The following GPC5 variants were observed in gnomAD, a reference collection of about 807,000 sequenced individuals.
GPC5 encodes glypican-5.
A neutral mutation model predicts 53.9 loss-of-function variants in GPC5; 47 were observed. That is an observed-to-expected ratio of 0.87 (90% CI 0.69 to 1.11). GPC5 has a LOEUF of 1.11. Among genes scored for constraint, GPC5 ranks in the 50% most tolerant of loss-of-function variants. The pLI is 0.00. For synonymous variants in GPC5, 286 were observed against 263.3 expected, an observed-to-expected ratio of 1.09 and a Z score of -0.84; for missense variants, 748 against 713.1, an observed-to-expected ratio of 1.05 and a Z score of -0.56.
At chr13:91,646,891 G>C (rs2034570619) in intron 2 of GPC5, among the ~76,000 whole-genome samples, 1 of 152,066 alleles carries the variant, frequency 6.6e-6, no homozygotes, top group Non-Finnish European at 1.5e-5. Flanking sequence ...GAAGAATTAG[G>C]AAGCTTCTGT....
chr13:91,457,512 G>A (rs1225603037), intron 2 of GPC5, among the ~76,000 whole-genome samples: 1 of 152,010 alleles, frequency 6.6e-6, no homozygotes, highest in Non-Finnish European at 1.5e-5. Context: ...CCTTCTGCCT[G>A]TTGTCAGAAC....
chr13:92,365,124 GTGAACAGCATAGAGTATAC>G (rs2043597639), intron 7 of GPC5, among the ~76,000 whole-genome samples: 1 of 151,728 alleles, frequency 6.6e-6, no homozygotes, highest in Non-Finnish European at 1.5e-5. Context: ...TTGTCACTGT[GTGAACAGCATAGAGTATAC>G]TGACACAGAC....
At chr13:91,945,200 C>T (rs1594679327) in intron 6 of GPC5, among the ~76,000 whole-genome samples, 2 of 152,150 alleles carry the variant, frequency 1.3e-5, no homozygotes, top group South Asian at 2.1e-4. Flanking sequence ...GGATTCATTG[C>T]ATATTCTTTT....
chr13:91,611,034 C>T (rs2033531388), intron 2 of GPC5, among the ~76,000 whole-genome samples: 1 of 152,092 alleles, frequency 6.6e-6, no homozygotes, highest in Non-Finnish European at 1.5e-5. Flanking sequence ...TAGAAATTGC[C>T]AGGGAGTCTG....
At chr13:92,115,752 C>T (rs564612673) in intron 6 of GPC5, among the ~76,000 whole-genome samples, 48 of 152,254 alleles carry the variant, frequency 3.2e-4, no homozygotes, top group African/African-American at 5.3e-4. Flanking sequence ...TTTATCCATT[C>T]GCCAGTTTGA....
intron 7 of GPC5, among the ~76,000 whole-genome samples, chr13:92,757,377 C>T (rs1874930160): frequency 6.6e-6 from 1 of 152,106 alleles, no homozygotes; most frequent in Admixed American, 6.6e-5. Flanking sequence ...CCATAAAAAC[C>T]ATGGAAGAAA....
intron 2 of GPC5, among the ~76,000 whole-genome samples, chr13:91,456,168 A>G (rs190196075): frequency 1.3e-3 from 202 of 152,250 alleles, no homozygotes; most frequent in Non-Finnish European, 2.3e-3. Flanking sequence ...GGCTCTGAGG[A>G]TGAATGTAAA....
At chr13:92,229,419 A>G (rs1196300734) in intron 7 of GPC5, among the ~76,000 whole-genome samples, 1 of 152,136 alleles carries the variant, frequency 6.6e-6, no homozygotes, top group East Asian at 1.9e-4. Context: ...GTCTCTTACA[A>G]AAATTATTTT....
At chr13:91,595,126 C>A (rs1229184875) in intron 2 of GPC5, among the ~76,000 whole-genome samples, 1 of 151,870 alleles carries the variant, frequency 6.6e-6, no homozygotes, top group African/African-American at 2.4e-5. Context: ...TGGGTTCAAG[C>A]AATTCTTCCC....
chr13:92,593,344 C>T (rs751315631), intron 7 of GPC5, among the ~76,000 whole-genome samples: 2 of 150,836 alleles, frequency 1.3e-5, no homozygotes, highest in South Asian at 2.1e-4. Flanking sequence ...TGATGAGATG[C>T]GTATGTAAAT....
intron 2 of GPC5, among the ~76,000 whole-genome samples, chr13:91,570,047 C>T (rs573596439): frequency 9.2e-5 from 14 of 152,108 alleles, no homozygotes; most frequent in Admixed American, 6.6e-4. Flanking sequence ...TAAGTCCCTT[C>T]GGAAAAAATG....
chr13:92,272,851 A>G (rs565798342), intron 7 of GPC5, among the ~76,000 whole-genome samples: 1 of 152,318 alleles, frequency 6.6e-6, no homozygotes, highest in Admixed American at 6.5e-5. Context: ...CACATTAGAA[A>G]ACAATTTGAC....
chr13:92,582,392 A>G (rs1357613615), intron 7 of GPC5, among the ~76,000 whole-genome samples: 4 of 152,090 alleles, frequency 2.6e-5, no homozygotes, highest in African/African-American at 9.7e-5. Flanking sequence ...TGCCTGTACC[A>G]TACTATTTTG....
At chr13:91,621,495 G>A (rs1416001543) in intron 2 of GPC5, among the ~76,000 whole-genome samples, 1 of 151,942 alleles carries the variant, frequency 6.6e-6, no homozygotes, top group Non-Finnish European at 1.5e-5. Flanking sequence ...TTCAAGAATT[G>A]TTGGAATAGC....
In GPC5 at chr13:91,592,837, G is replaced by A. The variant is rs74105093; in HGVS notation, c.326-100350G>A. Among the ~76,000 whole-genome samples, 1,325 of 152,322 alleles carry A rather than the reference G, an allele frequency of 8.7e-3. 20 individuals carry two copies. The highest frequency in any genetic ancestry group is 0.03 in the African/African-American group (1,246 of 41,566). On this transcript the variant is annotated intron_variant, in intron 2 of 7. Transcript: ENST00000377067. ...CCTGTGGGGCAGCCAGGCAGGTGCC[G>A]TGGGAGGGGCTGGCAGGCAAGGGGC...
intron 7 of GPC5, among the ~76,000 whole-genome samples, chr13:92,353,760 G>T (rs1252114265): frequency 2.0e-5 from 3 of 152,124 alleles, no homozygotes; most frequent in African/African-American, 4.8e-5. Flanking sequence ...AATTTTAGGG[G>T]ATGGCTAAAT....
At chr13:91,740,078 C>T (rs1233961607) in intron 4 of GPC5, among the ~76,000 whole-genome samples, 1 of 146,114 alleles carries the variant, frequency 6.8e-6, no homozygotes, top group Non-Finnish European at 1.5e-5. Flanking sequence ...CACATCCCCA[C>T]TTAGCTTCTT....
chr13:92,698,718 C>G (rs913925553), intron 7 of GPC5, among the ~76,000 whole-genome samples: 45 of 152,200 alleles, frequency 3.0e-4, no homozygotes, highest in African/African-American at 1.1e-3. Context: ...ATTTCTAGTT[C>G]TAGATCCCTG....
At chr13:91,545,994 A>G (rs1274018832) in intron 2 of GPC5, among the ~76,000 whole-genome samples, 1 of 152,066 alleles carries the variant, frequency 6.6e-6, no homozygotes, top group Non-Finnish European at 1.5e-5. Flanking sequence ...ATCACTGTGG[A>G]TTATCATCTC....
Sources: allele counts gnomAD v4.1 joint callset (sites outside exome capture counted in the v4.1 genomes callset), GRCh38; gene constraint gnomAD v4.1.1; transcripts MANE v1.5; gene names NCBI Gene and HGNC (gene_info 2026-07-23, HGNC 2026-07-21).